CDH20: variants seen among roughly 807,000 people sequenced by gnomAD.
The protein encoded by CDH20 is cadherin-20.
Under a neutral mutation model 74.2 loss-of-function variants are expected in CDH20, and 29 were observed. The observed-to-expected ratio is 0.39, with a 90% CI of 0.29 to 0.53. CDH20 has a LOEUF of 0.53. Ranked by LOEUF, CDH20 falls within the 20% of genes least tolerant of loss-of-function variation. The pLI is 0.69. For missense variants in CDH20, 988 were observed against 1,048.3 expected (o/e 0.94, Z 0.79); for synonymous variants, 469 against 405.4 (o/e 1.16, Z -1.88).
chr18:61,453,333 A>G (rs983475191), intron 1 of CDH20, among the ~76,000 whole-genome samples: 4 of 152,176 alleles, frequency 2.6e-5, no homozygotes, highest in African/African-American at 7.2e-5. Flanking sequence ...GCTAGAGTGC[A>G]GTGGCACAAT....
At chr18:61,338,048 GTC>G (rs1909815506) in intron 1 of CDH20, among the ~76,000 whole-genome samples, 1 of 152,086 alleles carries the variant, frequency 6.6e-6, no homozygotes, top group Admixed American at 6.6e-5. Context: ...CCAAAATATT[GTC>G]TGTTTGCTTA....
chr18:61,393,671 T>A (rs1911866752), intron 1 of CDH20, among the ~76,000 whole-genome samples: 1 of 152,258 alleles, frequency 6.6e-6, no homozygotes, highest in South Asian at 2.1e-4. Flanking sequence ...AGTCAACAGC[T>A]CAGTCACTGT....
intron 2 of CDH20, among the ~76,000 whole-genome samples, chr18:61,498,846 A>C (rs2144314519): frequency 6.6e-6 from 1 of 152,340 alleles, no homozygotes; most frequent in East Asian, 1.9e-4. Context: ...GTGGAAAGGC[A>C]GGAATCCTCC....
At chr18:61,512,639 C>A (rs1238711807) in intron 6 of CDH20, among the ~76,000 whole-genome samples, 2 of 152,162 alleles carry the variant, frequency 1.3e-5, no homozygotes, top group African/African-American at 4.8e-5. Context: ...TGTTTCAATG[C>A]CAAATCATAA....
Position 61,554,736 on chromosome 18 carries a change from C to T in CDH20, c.*41C>T. On this transcript the variant is annotated 3_prime_UTR_variant, in exon 12 of 12. Coordinates refer to ENST00000262717, the MANE Select transcript of CDH20 (RefSeq NM_031891.4). ...AGGCGCGCGTCCAAATCCAGACGTTCTCCGCGGGTGCTTCGCGGACAAGGT... is the reference window on the plus strand; with the variant it reads ...AGGCGCGCGTCCAAATCCAGACGTTTTCCGCGGGTGCTTCGCGGACAAGGT... 6.7e-7 allele frequency: 1 copy of T among 1,496,438 alleles called. No homozygotes were observed. The highest frequency in any genetic ancestry group is 2.4e-5 in the East Asian group (1 of 41,098). 92.7% of individuals were successfully genotyped at this position (1,496,438 alleles called of 1,614,324 possible).
Position 61,427,854 on chromosome 18 carries a change from A to G in CDH20, c.-152-62548A>G, listed in dbSNP as rs73447318. On this transcript the variant is annotated intron_variant, in intron 1 of 11. Transcript: ENST00000262717. ...TTTCCCTCTTCTCTACAAAAACTAAATTCCAAAGGAGGTTAAAATTAAGCC... is the reference window on the plus strand; with the variant it reads ...TTTCCCTCTTCTCTACAAAAACTAAGTTCCAAAGGAGGTTAAAATTAAGCC... 9.9e-3 allele frequency among the ~76,000 whole-genome samples: 1,511 copies of G among 152,292 alleles called. 24 individuals are homozygous for G. The highest frequency in any genetic ancestry group is 0.035 in the African/African-American group (1,434 of 41,554).
At chr18:61,524,344 T>C (rs760259677) in intron 6 of CDH20, among the ~76,000 whole-genome samples, 5 of 152,210 alleles carry the variant, frequency 3.3e-5, no homozygotes, top group Non-Finnish European at 7.3e-5. Context: ...CATATACTCC[T>C]GGTGGGAATA....
rs115362272 is a variant in CDH20, at chr18:61,450,448, C to A, written c.-152-39954C>A. On this transcript the variant is annotated intron_variant, in intron 1 of 11. Transcript: ENST00000262717. ...TGAGAACTTTCAAAGAGATACCCAA[C>A]TAAAGGGAATGATAATATTAAAACC... 5.8e-3 allele frequency among the ~76,000 whole-genome samples: 879 copies of A among 150,748 alleles called. 6 individuals carry two copies. Among genetic ancestry groups the A allele is most frequent in the African/African-American group, 0.019 (788 of 41,112 alleles).
chr18:61,530,765 T>C (rs1186959813), intron 7 of CDH20, among the ~76,000 whole-genome samples: 1 of 152,206 alleles, frequency 6.6e-6, no homozygotes, highest in African/African-American at 2.4e-5. Context: ...ACTGAGCCAT[T>C]TGGCAACTGA....
intron 1 of CDH20, among the ~76,000 whole-genome samples, chr18:61,453,558 C>T (rs1475760389): frequency 2.0e-5 from 3 of 152,170 alleles, no homozygotes; most frequent in Admixed American, 6.5e-5. Context: ...AGATTACAGG[C>T]GTGAGCCACC....
At chr18:61,398,746 C>T (rs1306811939) in intron 1 of CDH20, among the ~76,000 whole-genome samples, 1 of 152,144 alleles carries the variant, frequency 6.6e-6, no homozygotes, top group Non-Finnish European at 1.5e-5. Context: ...CTCCAGGTCA[C>T]TCTACAGGAA....
intron 1 of CDH20, among the ~76,000 whole-genome samples, chr18:61,481,202 T>C (rs1055174004): frequency 6.6e-6 from 1 of 152,142 alleles, no homozygotes; most frequent in Non-Finnish European, 1.5e-5. Flanking sequence ...AGTAAATAAT[T>C]ACAATACAGA....
intron 11 of CDH20, among the ~76,000 whole-genome samples, chr18:61,553,871 A>G (rs1352234166): frequency 6.6e-6 from 1 of 152,150 alleles, no homozygotes; most frequent in Non-Finnish European, 1.5e-5. Flanking sequence ...GTGCTTTGTT[A>G]GTGGGATTTT....
chr18:61,416,595 A>G (rs910803465), intron 1 of CDH20, among the ~76,000 whole-genome samples: 1 of 152,220 alleles, frequency 6.6e-6, no homozygotes, highest in Non-Finnish European at 1.5e-5. Context: ...GGCAAGAAGG[A>G]AAAATGGGCC....
chr18:61,538,627 T>TTTG (rs1430162776), intron 8 of CDH20, among the ~76,000 whole-genome samples: 2 of 107,918 alleles, frequency 1.9e-5, no homozygotes, highest in Non-Finnish European at 4.0e-5. Context: ...TTTGTTTTGT[T>TTTG]TTTTTTTTTG....
chr18:61,459,611 T>C (rs1178745124), intron 1 of CDH20, among the ~76,000 whole-genome samples: 6 of 152,146 alleles, frequency 3.9e-5, no homozygotes, highest in Admixed American at 2.0e-4. Flanking sequence ...CAACTAGCAG[T>C]TGTTGGTACC....
chr18:61,533,694 C>T (rs543278067), intron 7 of CDH20, among the ~76,000 whole-genome samples: 2 of 152,162 alleles, frequency 1.3e-5, no homozygotes, highest in Non-Finnish European at 2.9e-5. Context: ...AAATCATTGC[C>T]CAGACCAACA....
intron 1 of CDH20, among the ~76,000 whole-genome samples, chr18:61,426,856 C>T (rs1416053890): frequency 6.6e-6 from 1 of 152,098 alleles, no homozygotes; most frequent in Non-Finnish European, 1.5e-5. Context: ...ATCAAGTATC[C>T]CTGGTAATCT....
Position 61,333,541 on chromosome 18 carries a change from G to A in CDH20, c.-439G>A, listed in dbSNP as rs1909638311. ...TCTCACTGGACAGGCCGAACGCGGTGGCCGCGGGAGGGCAGGGCAGGGCAT... is the reference window on the plus strand; with the variant it reads ...TCTCACTGGACAGGCCGAACGCGGTAGCCGCGGGAGGGCAGGGCAGGGCAT... On this transcript the variant is annotated 5_prime_UTR_variant, in exon 1 of 12. Transcript: ENST00000262717. 6.6e-6 allele frequency: 1 copy of A among 152,416 alleles called. No individual in the cohort carries two copies. The allele number at this position is 152,416 out of a possible 1,614,324, so 9.4% of individuals were successfully genotyped here. A position where few individuals can be genotyped will look rare whatever the true frequency, so the allele number is the denominator to read the frequency against.
Sources: allele counts gnomAD v4.1 joint callset (sites outside exome capture counted in the v4.1 genomes callset), GRCh38; gene constraint gnomAD v4.1.1; transcripts MANE v1.5; gene names NCBI Gene and HGNC (gene_info 2026-07-23, HGNC 2026-07-21).